The following PMS1 variants were observed in gnomAD, a reference collection of about 807,000 sequenced individuals.
PMS1 encodes PMS1 protein homolog 1.
PMS1 carries 79 observed loss-of-function variants against 93.1 expected under a neutral mutation model. The observed-to-expected ratio is 0.85, with a 90% CI of 0.71 to 1.02. PMS1 has a LOEUF of 1.02. Ranked by LOEUF, PMS1 falls within the 50% of genes least tolerant of loss-of-function variation. The probability of loss-of-function intolerance (pLI) is 0.00; values close to 1 mark genes in which losing one functional copy is unlikely to be tolerated. For missense variants in PMS1, 1,064 were observed against 1,085.3 expected (o/e 0.98, Z 0.28); for synonymous variants, 335 against 363.4 (o/e 0.92, Z 0.89).
intron 9 of PMS1, among the ~76,000 whole-genome samples, chr2:189,858,330 A>T (rs1163707932): frequency 6.6e-6 from 1 of 152,106 alleles, no homozygotes; most frequent in African/African-American, 2.4e-5. Context: ...TGCTATTTAA[A>T]CTAAAAAAAA....
chr2:189,786,464 C>A (rs2048356579), intron 1 of PMS1, among the ~76,000 whole-genome samples: 1 of 152,094 alleles, frequency 6.6e-6, no homozygotes, highest in African/African-American at 2.4e-5. Flanking sequence ...GACTGGGTGG[C>A]AGGATGTAGA....
At chr2:189,861,450 T>C (rs375663099) in intron 9 of PMS1, among the ~76,000 whole-genome samples, 3 of 151,730 alleles carry the variant, frequency 2.0e-5, no homozygotes, top group African/African-American at 7.3e-5. Context: ...CTTTTGCCAC[T>C]GAAAAGATTT....
chr2:189,838,183 G>A (rs1296175696), intron 5 of PMS1, among the ~76,000 whole-genome samples: 1 of 152,136 alleles, frequency 6.6e-6, no homozygotes, highest in Non-Finnish European at 1.5e-5. Flanking sequence ...GTTATGTTAA[G>A]AGGAAAGAAA....
Position 189,859,971 on chromosome 2 carries a change from TTAAAGCAGATA to T in PMS1, c.1857-3769_1857-3759del, listed in dbSNP as rs568740821. Among the ~76,000 whole-genome samples the T allele has an allele frequency of 2.4e-3, 366 of 152,356 alleles. 9 individuals carry two copies. Among genetic ancestry groups the T allele is most frequent in the Non-Finnish European group, 5.0e-4 (34 of 68,032 alleles). ...GGAAATTGTTTATTCCATGTTGATG[TTAAAGCAGATA>T]TATAAGGAATGCTTCAGATCTGGAA... On this transcript the variant is annotated intron_variant, in intron 9 of 12. Transcript: ENST00000441310.
chr2:189,791,582 A>C, intron 1 of PMS1: 2 of 438,894 alleles, frequency 4.6e-6, no homozygotes, highest in Middle Eastern at 7.1e-4. Flanking sequence ...ACGCCACTGC[A>C]CTCCAGCCTG....
chr2:189,853,851 A>G (rs904150190), intron 7 of PMS1, 88 bp from the exon 8 acceptor site: 1 of 801,876 alleles, frequency 1.2e-6, no homozygotes, highest in South Asian at 1.7e-5. Context: ...AGTTGCATCT[A>G]CTCAATTTCT....
chr2:189,790,257 A>G (rs978136679), intron 1 of PMS1, among the ~76,000 whole-genome samples: 2 of 152,218 alleles, frequency 1.3e-5, no homozygotes, highest in African/African-American at 4.8e-5. Flanking sequence ...ATGACTAATG[A>G]TGTTTAAATG....
At chr2:189,863,244 G>A (rs1404969011) in intron 9 of PMS1, among the ~76,000 whole-genome samples, 1 of 150,408 alleles carries the variant, frequency 6.6e-6, no homozygotes, top group Non-Finnish European at 1.5e-5. Flanking sequence ...TTTTCTTTTT[G>A]GTGTTTTTTT....
chr2:189,842,135 C>G (rs1000631839), intron 5 of PMS1, among the ~76,000 whole-genome samples: 6 of 151,862 alleles, frequency 4.0e-5, no homozygotes, highest in Non-Finnish European at 7.4e-5. Context: ...ATTTACTTCT[C>G]TAGAACTGTT....
intron 1 of PMS1, among the ~76,000 whole-genome samples, chr2:189,786,854 C>T (rs1009964442): frequency 6.6e-6 from 1 of 152,092 alleles, no homozygotes; most frequent in East Asian, 1.9e-4. Flanking sequence ...GAGTTTGAGA[C>T]CAGCCTGGCC....
At chr2:189,793,858 A>C (rs1027222903) in intron 2 of PMS1, among the ~76,000 whole-genome samples, 3 of 152,218 alleles carry the variant, frequency 2.0e-5, no homozygotes, top group African/African-American at 7.2e-5. Flanking sequence ...TATAATAGCT[A>C]TCCTGACTAG....
intron 4 of PMS1, among the ~76,000 whole-genome samples, chr2:189,807,858 A>G (rs1386940614): frequency 1.3e-5 from 2 of 152,238 alleles, no homozygotes; most frequent in African/African-American, 4.8e-5. Context: ...CAGTAGTTGC[A>G]AAACTACTAA....
At chr2:189,832,605 A>G (rs1416930256) in intron 5 of PMS1, among the ~76,000 whole-genome samples, 2 of 152,144 alleles carry the variant, frequency 1.3e-5, no homozygotes, top group Non-Finnish European at 2.9e-5. Context: ...AGCTGGGACT[A>G]CAGGCGCGTG....
At chr2:189,864,379 C>G (rs56047681) in intron 10 of PMS1, 151 bp downstream of exon 10, 1 of 669,480 alleles carries the variant, frequency 1.5e-6, no homozygotes, top group South Asian at 1.5e-5. Context: ...ATTTCTAGGC[C>G]GGGCGCAGTG....
In PMS1 at chr2:189,854,991, AC is replaced by A; in HGVS notation, c.1722del (p.Met575CysfsTer17). On this transcript the variant is annotated frameshift_variant, in exon 9 of 13. Coordinates refer to ENST00000441310, the MANE Select transcript of PMS1 (RefSeq NM_000534.5). LOFTEE classifies it high-confidence loss of function. Reference sequence around the variant, plus strand: ...TACTTAGCAATCGAGTAATCAAGAAACCCATGTCAGCAAGTGCTCTTTTTGT... The same window carrying A: ...TACTTAGCAATCGAGTAATCAAGAAACCATGTCAGCAAGTGCTCTTTTTGT... The part of the protein sequence containing the change: ...DLLSNRVIKK[P>X]MSASALFVQD... 6.2e-7 allele frequency: 1 copy of A among 1,613,574 alleles called. No homozygotes were observed. Among genetic ancestry groups the A allele is most frequent in the Non-Finnish European group, 8.5e-7 (1 of 1,179,596 alleles).
chr2:189,805,539 G>C, intron 3 of PMS1, 113 bp from the exon 4 acceptor site: 1 of 871,558 alleles, frequency 1.1e-6, no homozygotes, highest in South Asian at 1.4e-5. Context: ...ATGTTTATTA[G>C]GTAAAATACG....
At chr2:189,796,787 G>T (rs1279371870) in intron 3 of PMS1, among the ~76,000 whole-genome samples, 1 of 152,086 alleles carries the variant, frequency 6.6e-6, no homozygotes, top group Non-Finnish European at 1.5e-5. Context: ...GGACACCTGG[G>T]TTACTTTCAC....
chr2:189,869,677 G>A (rs1019373032), intron 11 of PMS1, among the ~76,000 whole-genome samples: 5 of 152,014 alleles, frequency 3.3e-5, no homozygotes, highest in Non-Finnish European at 5.9e-5. Context: ...AATTAGCCGG[G>A]CATGTGGCAG....
rs1181192737 is a variant in PMS1, at chr2:189,873,591, A to G, written c.2569A>G (p.Ile857Val). The G allele has an allele frequency of 1.2e-5, 19 of 1,602,192 alleles. No homozygotes were observed. Among genetic ancestry groups the G allele is most frequent in the African/African-American group, 4.0e-5 (3 of 74,838 alleles). The change falls in exon 12 of 13, where the codon ATA (isoleucine) becomes GTA (valine). Residue 857 changes from isoleucine (I) to valine (V), a missense_variant. Ile to Val is a conservative substitution (Grantham distance 29). Coordinates refer to ENST00000441310, the MANE Select transcript of PMS1 (RefSeq NM_000534.5). The part of the protein sequence containing the change: ...VADLKEILNA[I>V]LNRNAKEVYE... Reference sequence around the variant, plus strand: ...AGATTTAAAAGAAATTCTTAATGCTATATTAAACAGAAATGCAAAGGAAGT... The same window carrying G: ...AGATTTAAAAGAAATTCTTAATGCTGTATTAAACAGAAATGCAAAGGAAGT...
Sources: gnomAD v4.1 joint callset for allele counts (sites outside exome capture counted in the v4.1 genomes callset) on GRCh38, gnomAD v4.1.1 for gene constraint, MANE v1.5 for transcripts, NCBI Gene and HGNC (gene_info 2026-07-23, HGNC 2026-07-21) for gene names.